The following GADL1 variants were observed in gnomAD, a reference collection of about 807,000 sequenced individuals.
GADL1 encodes GAD like acidic amino acid decarboxylase 1.
Under a neutral mutation model 69.5 loss-of-function variants are expected in GADL1, and 71 were observed. The observed-to-expected ratio is 1.02, with a 90% CI of 0.84 to 1.25. The LOEUF is 1.25. GADL1 is among the 50% of genes most tolerant of loss of function. The probability of loss-of-function intolerance (pLI) is 0.00; values close to 1 mark genes in which losing one functional copy is unlikely to be tolerated. For missense variants in GADL1, 737 were observed against 631.8 expected (o/e 1.17, Z -1.79); for synonymous variants, 254 against 214.4 (o/e 1.18, Z -1.62).
intron 13 of GADL1, among the ~76,000 whole-genome samples, chr3:30,781,560 T>C (rs1027223115): frequency 2.0e-5 from 3 of 152,188 alleles, no homozygotes; most frequent in Non-Finnish European, 4.4e-5. Flanking sequence ...TTCAAGCTTA[T>C]AGGTGTTAAG....
At chr3:30,816,728 TAG>T (rs909238905) in intron 11 of GADL1, among the ~76,000 whole-genome samples, 7 of 151,766 alleles carry the variant, frequency 4.6e-5, no homozygotes, top group African/African-American at 1.7e-4. Flanking sequence ...GTGTTTTTGG[TAG>T]AGACAGGATT....
chr3:30,817,745 C>T (rs1319053045), intron 11 of GADL1, among the ~76,000 whole-genome samples: 3 of 152,016 alleles, frequency 2.0e-5, no homozygotes, highest in Admixed American at 6.6e-5. Flanking sequence ...AACTGGATGT[C>T]GAGGGTATAA....
intron 14 of GADL1, among the ~76,000 whole-genome samples, chr3:30,740,895 C>CAAATATATATATATATAATATATAAA (rs1695606613): frequency 7.0e-6 from 1 of 142,618 alleles, no homozygotes; most frequent in African/African-American, 2.6e-5. Flanking sequence ...TTTATACAAA[C>CAAATATATATATATATAATATATAAA]AAACATATAT....
intron 12 of GADL1, among the ~76,000 whole-genome samples, chr3:30,793,270 G>A (rs763618161): frequency 6.6e-6 from 1 of 152,116 alleles, no homozygotes; most frequent in Non-Finnish European, 1.5e-5. Flanking sequence ...GAAATGTGTT[G>A]TTGGAAGGAA....
rs1311231970 is a variant in GADL1, at chr3:30,833,878, C to T, written c.1025G>A (p.Cys342Tyr). The T allele has an allele frequency of 1.2e-6, 2 of 1,612,674 alleles. 1 individual carries two copies. Among genetic ancestry groups the T allele is most frequent in the Admixed American group, 3.3e-5 (2 of 59,880 alleles). Residue 342 changes from cysteine (C) to tyrosine (Y), a missense_variant, in exon 11 of 15, where the codon TGT becomes TAT. Transcript: ENST00000282538. ...AGATTTGTCTTTCACAAGGAGAGCA[C>T]AGCACTGGATCCCAGCCATCAGCAT... ...HKMLMAGIQCCALLVKDKSDL... is the reference protein window; with the variant it reads ...HKMLMAGIQCYALLVKDKSDL...
At chr3:30,763,663 CGTATCTCAGAATT>C (rs1559492131) in intron 14 of GADL1, among the ~76,000 whole-genome samples, 2 of 152,124 alleles carry the variant, frequency 1.3e-5, no homozygotes, top group Non-Finnish European at 2.9e-5. Flanking sequence ...AATAGTGTTG[CGTATCTCAGAATT>C]TATTGAATAC....
At chr3:30,832,945 C>A (rs564537818) in intron 11 of GADL1, among the ~76,000 whole-genome samples, 2 of 152,094 alleles carry the variant, frequency 1.3e-5, no homozygotes, top group Admixed American at 6.5e-5. Context: ...ACGCACAGGG[C>A]ACTAACATAA....
At chr3:30,831,415 T>C (rs1697790623) in intron 11 of GADL1, among the ~76,000 whole-genome samples, 1 of 151,944 alleles carries the variant, frequency 6.6e-6, no homozygotes, top group South Asian at 2.1e-4. Context: ...TATACTCTTC[T>C]CTGTATTAGA....
intron 1 of GADL1, among the ~76,000 whole-genome samples, chr3:30,880,368 T>C (rs1698627338): frequency 1.3e-5 from 2 of 151,874 alleles, no homozygotes; most frequent in Admixed American, 1.3e-4. Context: ...TCCCCATGTG[T>C]CATGGGAGGC....
intron 8 of GADL1, among the ~76,000 whole-genome samples, chr3:30,843,811 C>T (rs1213950815): frequency 6.6e-6 from 1 of 152,076 alleles, no homozygotes; most frequent in African/African-American, 2.4e-5. Context: ...TGAATACAGC[C>T]CAGAGAAAAT....
intron 3 of GADL1, among the ~76,000 whole-genome samples, chr3:30,855,490 G>A (rs1016077668): frequency 2.0e-5 from 3 of 151,992 alleles, no homozygotes; most frequent in African/African-American, 7.2e-5. Context: ...CATGCGACTG[G>A]CAGTATATAG....
intron 14 of GADL1, among the ~76,000 whole-genome samples, chr3:30,767,301 G>T (rs1288198210): frequency 1.3e-5 from 2 of 152,064 alleles, no homozygotes; most frequent in Non-Finnish European, 2.9e-5. Flanking sequence ...ATATAAAAAT[G>T]AAAAATATTA....
chr3:30,876,846 G>A (rs1698583052), intron 1 of GADL1, among the ~76,000 whole-genome samples: 1 of 151,852 alleles, frequency 6.6e-6, no homozygotes, highest in Non-Finnish European at 1.5e-5. Context: ...TTAACACCCA[G>A]AGTTACCCAG....
intron 1 of GADL1, among the ~76,000 whole-genome samples, chr3:30,883,335 T>C (rs549913587): frequency 1.2e-3 from 175 of 152,106 alleles, no homozygotes; most frequent in African/African-American, 4.1e-3. Flanking sequence ...TACAGTATAA[T>C]AAAAAGATCC....
intron 11 of GADL1, among the ~76,000 whole-genome samples, chr3:30,804,285 C>CTGA (rs1352391302): frequency 1.3e-5 from 2 of 151,284 alleles, no homozygotes; most frequent in Non-Finnish European, 2.9e-5. Flanking sequence ...GGTAGGAAGC[C>CTGA]TGAAAACCAA....
chr3:30,887,128 G>A (rs542789199), intron 1 of GADL1, among the ~76,000 whole-genome samples: 1 of 152,242 alleles, frequency 6.6e-6, no homozygotes, highest in South Asian at 2.1e-4. Flanking sequence ...ACTCCAACAT[G>A]GTGTGTCACC....
Position 30,728,165 on chromosome 3 carries a change from A to G in GADL1, c.*77T>C. 1 of 1,294,002 alleles carries G rather than the reference A, an allele frequency of 7.7e-7. No homozygotes were observed. The highest frequency in any genetic ancestry group is 1.1e-6 in the Non-Finnish European group (1 of 902,952). 80.2% of individuals were successfully genotyped at this position (1,294,002 alleles called of 1,614,324 possible). A position where few individuals can be genotyped will look rare whatever the true frequency, so the allele number is the denominator to read the frequency against. Reference sequence around the variant, plus strand: ...TTTCTCATCAGAAGGGCTGCAATCTACTGTGTATCTCCAAGATGTTCTGGA... The same window carrying G: ...TTTCTCATCAGAAGGGCTGCAATCTGCTGTGTATCTCCAAGATGTTCTGGA... On this transcript the variant is annotated 3_prime_UTR_variant, in exon 15 of 15. Coordinates refer to ENST00000282538, the MANE Select transcript of GADL1 (RefSeq NM_207359.3).
chr3:30,856,966 T>C (rs1698238301), intron 3 of GADL1, 49 bp downstream of exon 3: 3 of 1,491,608 alleles, frequency 2.0e-6, no homozygotes, highest in Non-Finnish European at 2.7e-6. Context: ...TTTGCAAACA[T>C]AAGAACTTGT....
intron 1 of GADL1, among the ~76,000 whole-genome samples, chr3:30,894,288 C>A (rs893514584): frequency 6.6e-6 from 1 of 152,194 alleles, no homozygotes; most frequent in Non-Finnish European, 1.5e-5. Flanking sequence ...GGGAAACATG[C>A]GGCAGTTCGC....
Sources: allele counts gnomAD v4.1 joint callset (sites outside exome capture counted in the v4.1 genomes callset), GRCh38; gene constraint gnomAD v4.1.1; transcripts MANE v1.5; gene names NCBI Gene and HGNC (gene_info 2026-07-23, HGNC 2026-07-21).